The following ABCC4 variants were observed in gnomAD, a reference collection of about 807,000 sequenced individuals.
ABCC4 encodes ATP binding cassette subfamily C member 4 (PEL blood group), also known as ATP-binding cassette sub-family C member 4.
A neutral mutation model predicts 168.5 loss-of-function variants in ABCC4; 102 were observed. The observed-to-expected ratio is 0.61, with a 90% CI of 0.52 to 0.71. ABCC4 has a LOEUF of 0.71. ABCC4 is among the 30% of genes least tolerant of loss of function. The pLI, the probability that ABCC4 is intolerant of heterozygous loss-of-function variation, is 0.00. For missense variants in ABCC4, 1,402 were observed against 1,605.8 expected (o/e 0.87, Z 2.17); for synonymous variants, 617 against 590.7 (o/e 1.04, Z -0.65).
intron 1 of ABCC4, among the ~76,000 whole-genome samples, chr13:95,249,142 G>C (rs1048785404): frequency 4.6e-5 from 7 of 151,924 alleles, no homozygotes; most frequent in Non-Finnish European, 7.4e-5. Context: ...GATGGACTGA[G>C]CTCAGGAGGT....
In ABCC4 at chr13:95,301,166, C is replaced by T; in HGVS notation, c.74+75G>A. The T allele has an allele frequency of 4.3e-6, 6 of 1,404,434 alleles. No individual in the cohort carries two copies. The South Asian group carries it at 5.1e-5, about 12-fold the overall frequency. The allele number at this position is 1,404,434 out of a possible 1,614,324, so 87.0% of individuals were successfully genotyped here. A position where few individuals can be genotyped will look rare whatever the true frequency, so the allele number is the denominator to read the frequency against. ...CAGCCGCAGAGGGCTTGGGCAGCAT[C>T]GGGCGCGGCCCCGGGAGAGTGCGTC... is the stretch of plus-strand genomic sequence containing the variant. On this transcript the variant is annotated intron_variant, in intron 1 of 30. Coordinates refer to ENST00000645237, the MANE Select transcript of ABCC4 (RefSeq NM_005845.5).
intron 4 of ABCC4, among the ~76,000 whole-genome samples, chr13:95,218,929 GAAAGAAAGAA>G (rs1256669448): frequency 0.024 from 464 of 19,682 alleles, 19 homozygotes; most frequent in African/African-American, 0.045. Context: ...GAAAGAAAGA[GAAAGAAAGAA>G]AGAAAGAAAG....
intron 19 of ABCC4, among the ~76,000 whole-genome samples, chr13:95,141,342 T>A (rs1247439202): frequency 6.6e-6 from 1 of 152,246 alleles, no homozygotes; most frequent in Non-Finnish European, 1.5e-5. Flanking sequence ...TTTCACTTTG[T>A]TTCTCTTTTT....
rs1488387095 is a variant in ABCC4 at position 95,096,120 on chromosome 13, GA to G, written c.2536-12831del. ...CACTGAGGTTTGCTTGAGGAGGGAG[GA>G]GGATTGCTTGAGCCTAGGAGTTTGA... On this transcript the variant is annotated intron_variant, in intron 20 of 30. Transcript: ENST00000645237. 13 of 613,874 alleles carry G rather than the reference GA, an allele frequency of 2.1e-5. No homozygotes were observed. In the Admixed American group the frequency reaches 3.6e-4, roughly 17 times the overall value. 38.0% of individuals were successfully genotyped at this position (613,874 alleles called of 1,614,324 possible).
At chr13:95,169,964 C>T (rs2037412032) in intron 14 of ABCC4, among the ~76,000 whole-genome samples, 1 of 152,220 alleles carries the variant, frequency 6.6e-6, no homozygotes, top group Non-Finnish European at 1.5e-5. Flanking sequence ...TCAAGTGATT[C>T]CCCTGCCTCA....
chr13:95,202,319 A>G (rs1489362589), intron 8 of ABCC4, among the ~76,000 whole-genome samples: 2 of 152,202 alleles, frequency 1.3e-5, no homozygotes, highest in Non-Finnish European at 2.9e-5. Context: ...AGACAATTTT[A>G]TCAATCAATC....
chr13:95,154,628 T>C (rs1411335688), intron 19 of ABCC4, among the ~76,000 whole-genome samples: 1 of 152,232 alleles, frequency 6.6e-6, no homozygotes, highest in East Asian at 1.9e-4. Flanking sequence ...GTAAATTGTC[T>C]GAATGGTGCT....
intron 26 of ABCC4, among the ~76,000 whole-genome samples, chr13:95,060,021 G>T (rs768658173): frequency 2.0e-5 from 3 of 152,220 alleles, no homozygotes; most frequent in Non-Finnish European, 4.4e-5. Flanking sequence ...TTGACGCTTA[G>T]AAGATGCTCT....
chr13:95,098,327 A>T (rs1280682691), intron 20 of ABCC4, among the ~76,000 whole-genome samples: 1 of 152,118 alleles, frequency 6.6e-6, no homozygotes, highest in African/African-American at 2.4e-5. Context: ...AGATAAATTA[A>T]ATCAATGTAA....
At chr13:95,280,592 A>C (rs1390477043) in intron 1 of ABCC4, among the ~76,000 whole-genome samples, 1 of 114,744 alleles carries the variant, frequency 8.7e-6, no homozygotes, top group Non-Finnish European at 1.9e-5. Flanking sequence ...AAAAAAAAAA[A>C]AACCATCCAA....
chr13:95,040,654 C>T (rs555775449), intron 29 of ABCC4, among the ~76,000 whole-genome samples: 16 of 152,244 alleles, frequency 1.1e-4, no homozygotes, highest in African/African-American at 1.7e-4. Flanking sequence ...TAATTGTGGC[C>T]GTTGTCGGTT....
intron 11 of ABCC4, among the ~76,000 whole-genome samples, chr13:95,180,767 C>G (rs2037863812): frequency 6.6e-6 from 1 of 152,148 alleles, no homozygotes; most frequent in Non-Finnish European, 1.5e-5. Context: ...CTCAAAATAG[C>G]ATCAAGTTGT....
chr13:95,075,331 G>C lies in ABCC4; in HGVS notation c.2806+101C>G. 2.0e-6 allele frequency: 3 copies of C among 1,498,836 alleles called. No homozygotes were observed. The African/African-American group carries it at 4.2e-5, about 21-fold the overall frequency. The allele number at this position is 1,498,836 out of a possible 1,614,324, so 92.8% of individuals were successfully genotyped here. A position where few individuals can be genotyped will look rare whatever the true frequency, so the allele number is the denominator to read the frequency against. ...GCAAAAAAAGCAGGATGTGGGGCTG[G>C]GCCCTGAGGTGCCTGCCAACAAGCT... On this transcript the variant is annotated intron_variant, in intron 22 of 30. Coordinates refer to ENST00000645237, the MANE Select transcript of ABCC4 (RefSeq NM_005845.5).
chr13:95,123,552 G>C (rs2035650918), intron 19 of ABCC4, among the ~76,000 whole-genome samples: 1 of 152,044 alleles, frequency 6.6e-6, no homozygotes, highest in Non-Finnish European at 1.5e-5. Flanking sequence ...AGTAGAGACG[G>C]GGTTTCACCA....
intron 11 of ABCC4, among the ~76,000 whole-genome samples, chr13:95,179,612 C>T (rs2037823703): frequency 6.6e-6 from 1 of 152,160 alleles, no homozygotes. Flanking sequence ...GAAATCTTTA[C>T]TTGGATGGCC....
intron 1 of ABCC4, among the ~76,000 whole-genome samples, chr13:95,291,111 TG>T (rs1566605252): frequency 6.6e-6 from 1 of 152,052 alleles, no homozygotes; most frequent in African/African-American, 2.4e-5. Context: ...CCCAGCATTT[TG>T]GGAGGCCAAG....
chr13:95,170,487 C>T, intron 14 of ABCC4, 45 bp downstream of exon 14: 6 of 1,212,524 alleles, frequency 4.9e-6, no homozygotes, highest in South Asian at 1.3e-5. Flanking sequence ...GGATTCAACA[C>T]ACCCAAGTAC....
At chr13:95,044,510 T>C in intron 27 of ABCC4, 72 bp from the exon 28 acceptor site, 2 of 1,381,370 alleles carry the variant, frequency 1.4e-6, no homozygotes, top group Non-Finnish European at 9.8e-7. Context: ...TCATAGACAT[T>C]AGAACCTTCA....
intron 14 of ABCC4, among the ~76,000 whole-genome samples, chr13:95,167,264 T>C (rs112038423): frequency 1.6e-3 from 244 of 152,200 alleles, no homozygotes; most frequent in African/African-American, 5.3e-3. Context: ...AAATTCGACA[T>C]TCCATGGGAC....
Sources: gnomAD v4.1 joint callset for allele counts (sites outside exome capture counted in the v4.1 genomes callset) on GRCh38, gnomAD v4.1.1 for gene constraint, MANE v1.5 for transcripts, NCBI Gene and HGNC (gene_info 2026-07-23, HGNC 2026-07-21) for gene names.